The following ADK variants were observed in gnomAD, a reference collection of about 807,000 sequenced individuals.
The protein encoded by ADK is adenosine kinase.
Under a neutral mutation model 44.7 loss-of-function variants are expected in ADK, and 24 were observed. That is an observed-to-expected ratio of 0.54 (90% CI 0.39 to 0.76). The LOEUF (loss-of-function observed/expected upper bound fraction) is 0.76. Among genes scored for constraint, ADK ranks in the 30% least tolerant of loss-of-function variants. The pLI is 0.00. For synonymous variants in ADK, 128 were observed against 142.6 expected, an observed-to-expected ratio of 0.90 and a Z score of 0.73; for missense variants, 321 against 425.1, an observed-to-expected ratio of 0.76 and a Z score of 2.15.
At chr10:74,484,106 C>T (rs908986141) in intron 6 of ADK, among the ~76,000 whole-genome samples, 2 of 152,148 alleles carry the variant, frequency 1.3e-5, no homozygotes, top group Non-Finnish European at 2.9e-5. Flanking sequence ...TAAAGAACTA[C>T]CTGAGACTGG....
intron 1 of ADK, among the ~76,000 whole-genome samples, chr10:74,186,911 C>A (rs1039414448): frequency 6.6e-6 from 1 of 152,094 alleles, no homozygotes; most frequent in Non-Finnish European, 1.5e-5. Context: ...AGTAAAGTTG[C>A]TATGAACATT....
At chr10:74,556,699 T>A (rs1470328426) in intron 7 of ADK, among the ~76,000 whole-genome samples, 2 of 152,196 alleles carry the variant, frequency 1.3e-5, no homozygotes, top group East Asian at 3.8e-4. Flanking sequence ...TATAGGACTC[T>A]GTTTTAGAAT....
chr10:74,526,173 A>G (rs1849031322), intron 7 of ADK, among the ~76,000 whole-genome samples: 1 of 151,892 alleles, frequency 6.6e-6, no homozygotes, highest in Non-Finnish European at 1.5e-5. Context: ...TTGATATATT[A>G]CATTTATATT....
At chr10:74,278,365 TTA>T (rs1846782762) in intron 3 of ADK, among the ~76,000 whole-genome samples, 2 of 82,770 alleles carry the variant, frequency 2.4e-5, no homozygotes, top group Non-Finnish European at 5.1e-5. Context: ...AAAAAAAAAA[TTA>T]AAAAAAAAAA....
At chr10:74,213,963 C>A (rs1843924883) in intron 2 of ADK, among the ~76,000 whole-genome samples, 4 of 152,062 alleles carry the variant, frequency 2.6e-5, no homozygotes, top group African/African-American at 9.7e-5. Context: ...GAACAATTAT[C>A]AGTAAAATTT....
At chr10:74,577,543 T>C (rs1476007756) in intron 7 of ADK, among the ~76,000 whole-genome samples, 1 of 152,114 alleles carries the variant, frequency 6.6e-6, no homozygotes, top group Non-Finnish European at 1.5e-5. Context: ...GTGCTATCCA[T>C]AGGTAAAAAT....
chr10:74,168,152 C>T (rs1050526651), intron 1 of ADK, among the ~76,000 whole-genome samples: 1 of 152,170 alleles, frequency 6.6e-6, no homozygotes. Flanking sequence ...TCTAAAAGGG[C>T]AGCACATGTT....
chr10:74,258,072 A>G (rs556595250), intron 3 of ADK, among the ~76,000 whole-genome samples: 8 of 152,208 alleles, frequency 5.3e-5, no homozygotes, highest in Admixed American at 4.6e-4. Flanking sequence ...ATTAGTTTTT[A>G]TTTATTTTTA....
chr10:74,396,570 A>C (rs1177565975), intron 5 of ADK, among the ~76,000 whole-genome samples: 1 of 152,054 alleles, frequency 6.6e-6, no homozygotes, highest in African/African-American at 2.4e-5. Context: ...AATTTCAGAA[A>C]TTGAAGTGTT....
intron 6 of ADK, among the ~76,000 whole-genome samples, chr10:74,520,263 T>C (rs1848754286): frequency 6.6e-6 from 1 of 151,956 alleles, no homozygotes; most frequent in Non-Finnish European, 1.5e-5. Context: ...AATAATATCA[T>C]ATATTCTTCC....
chr10:74,688,513 C>T (rs1158436814), intron 10 of ADK, among the ~76,000 whole-genome samples: 3 of 152,078 alleles, frequency 2.0e-5, no homozygotes, highest in Non-Finnish European at 4.4e-5. Flanking sequence ...ACCATTTAGT[C>T]GGTATTTCTA....
intron 6 of ADK, among the ~76,000 whole-genome samples, chr10:74,451,203 G>A (rs1296441425): frequency 1.3e-5 from 2 of 150,178 alleles, no homozygotes; most frequent in African/African-American, 4.9e-5. Flanking sequence ...GTCAAGTGAT[G>A]ACATGCAGAG....
chr10:74,183,948 G>A (rs993484258), intron 1 of ADK, among the ~76,000 whole-genome samples: 2 of 150,644 alleles, frequency 1.3e-5, no homozygotes, highest in African/African-American at 2.4e-5. Context: ...ACAGAGTCTC[G>A]CTCTGTCACC....
intron 2 of ADK, among the ~76,000 whole-genome samples, chr10:74,209,148 C>A (rs542809578): frequency 1.3e-5 from 2 of 152,170 alleles, no homozygotes; most frequent in South Asian, 4.1e-4. Context: ...GGGGGTTGAC[C>A]AAGTTATGAA....
chr10:74,619,228 G>C (rs1328852677), intron 9 of ADK, among the ~76,000 whole-genome samples: 1 of 152,118 alleles, frequency 6.6e-6, no homozygotes, highest in East Asian at 1.9e-4. Context: ...GCCAAGGCAG[G>C]CAGATCACTT....
At chr10:74,568,639 C>CTT (rs79135944) in intron 7 of ADK, among the ~76,000 whole-genome samples, 4 of 128,428 alleles carry the variant, frequency 3.1e-5, no homozygotes, top group East Asian at 2.3e-4. Context: ...ATGGTTATTT[C>CTT]TTTTTTTTTT....
chr10:74,282,188 A>C, intron 3 of ADK, among the ~76,000 whole-genome samples: 1 of 152,326 alleles, frequency 6.6e-6, no homozygotes, highest in East Asian at 1.9e-4. Flanking sequence ...TTTACAATAG[A>C]GTTTAATCTT....
At chr10:74,228,475 AG>A (rs780841630) in intron 3 of ADK, among the ~76,000 whole-genome samples, 2 of 152,220 alleles carry the variant, frequency 1.3e-5, no homozygotes, top group Non-Finnish European at 2.9e-5. Context: ...AAAATAAATT[AG>A]GAAAACATCA....
At chr10:74,663,507 T>G (rs1009220402) in intron 9 of ADK, among the ~76,000 whole-genome samples, 1 of 152,072 alleles carries the variant, frequency 6.6e-6, no homozygotes, top group East Asian at 1.9e-4. Flanking sequence ...CCATGAACAT[T>G]TAATTTTTCC....
Sources: gnomAD v4.1 joint callset for allele counts (sites outside exome capture counted in the v4.1 genomes callset) on GRCh38, gnomAD v4.1.1 for gene constraint, MANE v1.5 for transcripts, NCBI Gene and HGNC (gene_info 2026-07-23, HGNC 2026-07-21) for gene names.